USP37: variants seen among roughly 807,000 people sequenced by gnomAD.
USP37 encodes ubiquitin specific peptidase 37.
Under a neutral mutation model 124.0 loss-of-function variants are expected in USP37, and 27 were observed. The ratio of observed to expected loss-of-function variants is 0.22; its 90% CI spans 0.16 to 0.30. The LOEUF (loss-of-function observed/expected upper bound fraction) is 0.30, where lower values mean the gene tolerates loss of function less well. Among genes scored for constraint, USP37 ranks in the 10% least tolerant of loss-of-function variants. The probability of loss-of-function intolerance (pLI) is 1.00; values close to 1 mark genes in which losing one functional copy is unlikely to be tolerated. For missense variants in USP37, 889 were observed against 1,140.4 expected (o/e 0.78, Z 3.17); for synonymous variants, 365 against 388.0 (o/e 0.94, Z 0.70).
intron 9 of USP37, among the ~76,000 whole-genome samples, chr2:218,532,972 A>AGTG (rs1691418934): frequency 6.6e-6 from 1 of 151,706 alleles, no homozygotes. Flanking sequence ...TTTAGACATA[A>AGTG]TGCTATTGCA....
At chr2:218,526,345 C>T (rs1465715421) in intron 10 of USP37, among the ~76,000 whole-genome samples, 4 of 152,096 alleles carry the variant, frequency 2.6e-5, no homozygotes, top group African/African-American at 9.7e-5. Context: ...GATTCTCCTG[C>T]TTCAGTCTCC....
chr2:218,492,576 ACAATT>A (rs1230190342), intron 14 of USP37, among the ~76,000 whole-genome samples: 1 of 152,260 alleles, frequency 6.6e-6, no homozygotes, highest in Non-Finnish European at 1.5e-5. Flanking sequence ...AGATGCTGCA[ACAATT>A]CAAACAAGAG....
At chr2:218,536,765 G>T (rs1691670144) in intron 8 of USP37, among the ~76,000 whole-genome samples, 1 of 152,120 alleles carries the variant, frequency 6.6e-6, no homozygotes, top group Non-Finnish European at 1.5e-5. Flanking sequence ...ACAACAGCTG[G>T]TACTAAAAGT....
chr2:218,473,198 G>A (rs1476242991), intron 20 of USP37: 2 of 152,138 alleles, frequency 1.3e-5, no homozygotes, highest in African/African-American at 2.4e-5. Context: ...ACCTCTTCCT[G>A]TAGCTGTCCC....
At chr2:218,504,857 G>T (rs996679088) in intron 11 of USP37, among the ~76,000 whole-genome samples, 1 of 152,140 alleles carries the variant, frequency 6.6e-6, no homozygotes, top group Non-Finnish European at 1.5e-5. Flanking sequence ...GAAGTGTTGG[G>T]ATTACAGGCG....
intron 10 of USP37, among the ~76,000 whole-genome samples, chr2:218,522,038 C>CT (rs35206236): frequency 0.022 from 2,602 of 116,766 alleles, 51 homozygotes; most frequent in East Asian, 0.045. Flanking sequence ...CCACACGTGG[C>CT]TTTTTTTTTT....
At chr2:218,540,727 C>T (rs1691927025) in intron 8 of USP37, among the ~76,000 whole-genome samples, 1 of 152,176 alleles carries the variant, frequency 6.6e-6, no homozygotes, top group South Asian at 2.1e-4. Context: ...GTAATTGAAA[C>T]CACAGAAAGT....
At chr2:218,531,541 G>A (rs1691323465) in intron 9 of USP37, among the ~76,000 whole-genome samples, 1 of 152,176 alleles carries the variant, frequency 6.6e-6, no homozygotes, top group Non-Finnish European at 1.5e-5. Context: ...CCATTCTACA[G>A]CCCATGGATC....
intron 13 of USP37, among the ~76,000 whole-genome samples, chr2:218,496,991 A>G (rs1327273899): frequency 2.0e-5 from 3 of 152,016 alleles, no homozygotes; most frequent in Admixed American, 1.3e-4. Flanking sequence ...ACACATACAC[A>G]AATCTCGTTT....
chr2:218,554,322 C>A (rs992426138), intron 4 of USP37, among the ~76,000 whole-genome samples: 5 of 152,162 alleles, frequency 3.3e-5, no homozygotes, highest in Admixed American at 1.3e-4. Flanking sequence ...TTTTACGGAA[C>A]AATCCTAGAA....
At chr2:218,492,762 A>C (rs1461939401) in intron 14 of USP37, among the ~76,000 whole-genome samples, 2 of 152,184 alleles carry the variant, frequency 1.3e-5, no homozygotes, top group Non-Finnish European at 2.9e-5. Context: ...AACTCCAGCA[A>C]TTTGGGAGGC....
chr2:218,518,004 G>A (rs779332624), intron 10 of USP37, among the ~76,000 whole-genome samples: 1 of 151,858 alleles, frequency 6.6e-6, no homozygotes, highest in African/African-American at 2.4e-5. Context: ...CACTCAGGCT[G>A]AAGTGCAGTG....
At chr2:218,529,844 G>T in intron 10 of USP37, 112 bp downstream of exon 10, 1 of 778,658 alleles carries the variant, frequency 1.3e-6, no homozygotes, top group South Asian at 2.6e-5. Context: ...CGTCAATTTT[G>T]TTAAATTATC....
In USP37 at chr2:218,466,159, C is replaced by T; in HGVS notation, c.2317G>A (p.Glu773Lys). The T allele has an allele frequency of 6.2e-7, 1 of 1,604,824 alleles. No homozygotes were observed. Among genetic ancestry groups the T allele is most frequent in the Non-Finnish European group, 8.5e-7 (1 of 1,177,690 alleles). The change falls in exon 21 of 26, where the codon GAG (glutamate) becomes AAG (lysine). Residue 773 changes from glutamate (E) to lysine (K), a missense_variant. This residue lies in a region of USP37 where 504 missense variants were observed against 714.3 expected (regional missense o/e 0.71). Transcript: ENST00000258399. The stretch of plus-strand genomic sequence containing the variant: ...TTCTCATCACAGTCTTTAGTTATCT[C>T]AGTAAAACTGGCAGGATCTGAGGAA... Reference protein sequence around the residue: ...ITELDPASFTEITKDCDENKE... With the variant: ...ITELDPASFTKITKDCDENKE...
chr2:218,566,715 T>C (rs1333866123), intron 1 of USP37, among the ~76,000 whole-genome samples: 1 of 152,162 alleles, frequency 6.6e-6, no homozygotes, highest in East Asian at 1.9e-4. Flanking sequence ...CAGATGATAA[T>C]ACAGGAAGCC....
chr2:218,523,850 T>C (rs1690802208), intron 10 of USP37, among the ~76,000 whole-genome samples: 1 of 152,250 alleles, frequency 6.6e-6, no homozygotes, highest in African/African-American at 2.4e-5. Context: ...TTATTTCATT[T>C]TCTTGTCCTA....
intron 11 of USP37, among the ~76,000 whole-genome samples, chr2:218,508,118 G>A (rs1364648221): frequency 6.6e-6 from 1 of 152,124 alleles, no homozygotes; most frequent in Non-Finnish European, 1.5e-5. Flanking sequence ...AAAGGTGGTG[G>A]TATTGTCTCC....
chr2:218,513,462 A>C (rs1013683601), intron 10 of USP37, among the ~76,000 whole-genome samples: 8 of 152,146 alleles, frequency 5.3e-5, no homozygotes, highest in Non-Finnish European at 1.2e-4. Flanking sequence ...ACATATATAC[A>C]CTCATGAAAT....
At chr2:218,458,039 C>CAAAAA (rs34696201) in intron 23 of USP37, among the ~76,000 whole-genome samples, 17 of 90,020 alleles carry the variant, frequency 1.9e-4, no homozygotes, top group African/African-American at 2.6e-4. Flanking sequence ...GACTCTGTCT[C>CAAAAA]AAAAAAAAAA....
Sources: allele counts gnomAD v4.1 joint callset (sites outside exome capture counted in the v4.1 genomes callset), GRCh38; gene constraint gnomAD v4.1.1; regional missense constraint gnomAD v4.1.1; transcripts MANE v1.5; gene names NCBI Gene and HGNC (gene_info 2026-07-23, HGNC 2026-07-21).